The following CDK12 variants were observed in gnomAD, a reference collection of about 807,000 sequenced individuals.
CDK12 encodes cyclin-dependent kinase 12.
CDK12 carries 17 observed loss-of-function variants against 133.8 expected under a neutral mutation model. The observed-to-expected ratio is 0.13, with a 90% CI of 0.09 to 0.19. The LOEUF (loss-of-function observed/expected upper bound fraction) is 0.19. Among genes scored for constraint, CDK12 ranks in the 10% least tolerant of loss-of-function variants. The pLI is 1.00. For missense variants in CDK12, 1,508 were observed against 1,818.7 expected, an observed-to-expected ratio of 0.83 and a Z score of 3.11; for synonymous variants, 694 against 683.6, an observed-to-expected ratio of 1.02 and a Z score of -0.24.
rs751475844 is a variant in CDK12 at position 39,471,348 on chromosome 17, A to G, written c.1516A>G (p.Ile506Val). ...KAQGTRDSKP[I>V]ALKEEIVTPK... Reference sequence around the variant, plus strand: ...ACAGGGAACAAGAGACTCTAAACCCATAGCACTGAAAGAGGAGATTGTTAC... The same window carrying G: ...ACAGGGAACAAGAGACTCTAAACCCGTAGCACTGAAAGAGGAGATTGTTAC... The change falls in exon 2 of 14, where the codon ATA becomes GTA. Residue 506 changes from isoleucine to valine, a missense_variant. Around this residue, in one of 9 missense-constraint regions of CDK12, gnomAD observed 347 missense variants for 330.8 expected, o/e 1.05. Transcript: ENST00000447079. The G allele has an allele frequency of 3.7e-6, 6 of 1,614,006 alleles. No homozygotes were observed. In the African/African-American group the frequency reaches 4.0e-5, roughly 11 times the overall value.
intron 5 of CDK12, among the ~76,000 whole-genome samples, chr17:39,500,359 G>A (rs921604170): frequency 2.6e-5 from 4 of 151,956 alleles, no homozygotes; most frequent in East Asian, 3.9e-4. Context: ...AAGGCTGGGC[G>A]CGGTGGCTGA....
chr17:39,549,647 A>T (rs2144163102), upstream of CDK12: 1 of 152,296 alleles, frequency 6.6e-6, no homozygotes, highest in African/African-American at 2.4e-5. Flanking sequence ...CAGTTTGGGG[A>T]AGAGCAGTGA....
intron 10 of CDK12, among the ~76,000 whole-genome samples, chr17:39,519,624 C>G (rs1035697204): frequency 6.7e-6 from 1 of 148,366 alleles, no homozygotes; most frequent in East Asian, 2.0e-4. Context: ...GGCTCTTGCT[C>G]TGTTGCCCAG....
intron 1 of CDK12, among the ~76,000 whole-genome samples, chr17:39,464,580 A>G (rs1029217198): frequency 6.6e-6 from 1 of 151,906 alleles, no homozygotes; most frequent in South Asian, 2.1e-4. Flanking sequence ...TAAAGTTACA[A>G]TTCATAAATG....
intron 5 of CDK12, among the ~76,000 whole-genome samples, chr17:39,500,408 G>A (rs551374286): frequency 3.9e-5 from 6 of 152,156 alleles, no homozygotes; most frequent in African/African-American, 1.2e-4. Context: ...TAAGGCAGGC[G>A]GATCACCTGA....
chr17:39,489,275 G>A (rs2051386518), intron 2 of CDK12, among the ~76,000 whole-genome samples: 1 of 151,646 alleles, frequency 6.6e-6, no homozygotes, highest in Non-Finnish European at 1.5e-5. Flanking sequence ...TCACTGTATT[G>A]CCCAGGCTGG....
Position 39,525,949 on chromosome 17 carries a change from C to T in CDK12, c.3393C>T (p.Ile1131=). ...TGCAGAGCCAAACCGACCTGAGCAT[C>T]CCTCAAATGGCACAGCTGCTTAACA... ...NLLQSQTDLS[I]PQMAQLLNIH... is the part of the protein sequence containing the mutation. The change falls in exon 13 of 14, where the codon ATC becomes ATT. Residue 1131 remains isoleucine, a synonymous_variant. Transcript: ENST00000447079. 5 of 1,614,164 alleles carry T rather than the reference C, an allele frequency of 3.1e-6. No homozygotes were observed. Among genetic ancestry groups the T allele is most frequent in the Non-Finnish European group, 4.2e-6 (5 of 1,180,036 alleles).
rs547788263 is a variant in CDK12, at chr17:39,491,841, A to G, written c.2109-910A>G. 2.9e-3 allele frequency among the ~76,000 whole-genome samples: 443 copies of G among 150,906 alleles called. 4 individuals carry two copies. Among genetic ancestry groups the G allele is most frequent in the Non-Finnish European group, 4.6e-3 (310 of 67,780 alleles). On this transcript the variant is annotated intron_variant, in intron 3 of 13. Coordinates refer to ENST00000447079, the MANE Select transcript of CDK12 (RefSeq NM_016507.4). ...TTAGTAAAAAATGTATAAAAGATAC[A>G]GGAGTGGCTGGGCGCGGTGGCTCAC...
At position 39,532,102 on chromosome 17, in the gene CDK12, TTCTCTCTCTC is replaced by T. The variant is rs71843922; in HGVS notation, c.*818_*827del. 7,058 of 217,624 alleles carry T rather than the reference TTCTCTCTCTC, an allele frequency of 0.032. 97 individuals are homozygous for T. Among genetic ancestry groups the T allele is most frequent in the Middle Eastern group, 0.041 (31 of 756 alleles). 13.5% of individuals were successfully genotyped at this position (217,624 alleles called of 1,614,324 possible). On this transcript the variant is annotated 3_prime_UTR_variant, in exon 14 of 14. Transcript: ENST00000447079. Reference sequence around the variant, plus strand: ...GCTGATGTGTGCTCTCTCTCTCTCTTTCTCTCTCTCTCTCTCTCTCTCTCTCTCTCTCTCT... The same window carrying T: ...GCTGATGTGTGCTCTCTCTCTCTCTTTCTCTCTCTCTCTCTCTCTCTCTCT...
At chr17:39,554,402 C>T (rs575848272) in intron 2 of CDK12, among the ~76,000 whole-genome samples, 11 of 152,204 alleles carry the variant, frequency 7.2e-5, no homozygotes, top group Admixed American at 4.6e-4. Context: ...TCAGAAGTGT[C>T]GATTTCCTCC....
At position 39,481,686 on chromosome 17, in the gene CDK12, CTCTCTCTCTCTCTCTCTCTCTCTCTT is replaced by C. The variant is rs1567706571; in HGVS notation, c.1932-8865_1932-8840del. On this transcript the variant is annotated intron_variant, in intron 2 of 13. Coordinates refer to ENST00000447079, the MANE Select transcript of CDK12 (RefSeq NM_016507.4). ...TCTCTCTCTCTCTCTCTCTCTCTCT[CTCTCTCTCTCTCTCTCTCTCTCTCTT>C]TCTCTTTTCTTTTTTCTTTTTTTTT... 1.7e-3 allele frequency among the ~76,000 whole-genome samples: 38 copies of C among 21,836 alleles called. 9 individuals carry two copies. Among genetic ancestry groups the C allele is most frequent in the African/African-American group, 3.1e-3 (24 of 7,694 alleles). 14.3% of individuals were successfully genotyped at this position (21,836 alleles called of 152,430 possible). A position where few individuals can be genotyped will look rare whatever the true frequency, so the allele number is the denominator to read the frequency against.
chr17:39,502,269 C>T (rs1275934801), intron 6 of CDK12, among the ~76,000 whole-genome samples: 1 of 152,150 alleles, frequency 6.6e-6, no homozygotes, highest in Non-Finnish European at 1.5e-5. Flanking sequence ...TCTCCTGCCT[C>T]AGCTTCCCGA....
intron 2 of CDK12, among the ~76,000 whole-genome samples, chr17:39,555,245 T>A (rs754965361): frequency 1.4e-4 from 21 of 152,070 alleles, no homozygotes; most frequent in Non-Finnish European, 2.2e-4. Context: ...AGAGCGAGAC[T>A]CTGTCTCAAA....
In CDK12 at chr17:39,464,712, T is replaced by C. The variant is rs866157544; in HGVS notation, c.1046+1595T>C. Among the ~76,000 whole-genome samples the C allele has an allele frequency of 2.0e-5, 3 of 151,924 alleles. No individual in the cohort carries two copies. In the Middle Eastern group the frequency reaches 0.01, roughly 517 times the overall value. On this transcript the variant is annotated intron_variant, in intron 1 of 13. Coordinates refer to ENST00000447079, the MANE Select transcript of CDK12 (RefSeq NM_016507.4). ...AGAAAGGTTGTAGTGAACACCCATATATGTAACAGCAAGATTCTACAATAA... is the reference window on the plus strand; with the variant it reads ...AGAAAGGTTGTAGTGAACACCCATACATGTAACAGCAAGATTCTACAATAA...
At chr17:39,495,756 C>T (rs1476189407) in intron 5 of CDK12, among the ~76,000 whole-genome samples, 1 of 148,218 alleles carries the variant, frequency 6.7e-6, no homozygotes, top group African/African-American at 2.5e-5. Flanking sequence ...GATCGTGCCA[C>T]TGCACTCCAG....
upstream of CDK12, chr17:39,546,881 C>G (rs1328659620): frequency 6.6e-6 from 1 of 152,210 alleles, no homozygotes; most frequent in Non-Finnish European, 1.5e-5. Context: ...GCCTGTATGT[C>G]TTCGTAACTT....
Position 39,462,216 on chromosome 17 carries a change from C to A in CDK12, c.145C>A (p.His49Asn). 9 of 1,614,222 alleles carry A rather than the reference C, an allele frequency of 5.6e-6. No homozygotes were observed. Among genetic ancestry groups the A allele is most frequent in the Non-Finnish European group, 7.6e-6 (9 of 1,180,040 alleles). The change falls in exon 1 of 14, where the codon CAC (histidine) becomes AAC (asparagine). Residue 49 changes from histidine (H) to asparagine (N), a missense_variant. Transcript: ENST00000447079. ...VSKHKRHKSK[H>N]SKDMGLVTPE... ...GAAGCACAAGCGGCATAAGTCCAAACACTCCAAAGACATGGGGTTGGTGAC... is the reference window on the plus strand; with the variant it reads ...GAAGCACAAGCGGCATAAGTCCAAAAACTCCAAAGACATGGGGTTGGTGAC...
chr17:39,471,390 A>G lies in CDK12; in HGVS notation c.1558A>G (p.Thr520Ala). The change falls in exon 2 of 14, where the codon ACA becomes GCA. Residue 520 changes from threonine (T) to alanine (A), a missense_variant. Physicochemically the swap from Thr to Ala is moderately conservative, Grantham distance 58. This residue lies in a region of CDK12 where 347 missense variants were observed against 330.8 expected (regional missense o/e 1.05). Transcript: ENST00000447079. The part of the protein sequence containing the change: ...EEIVTPKETE[T>A]SEKETPPPLP... ...GATTGTTACTCCAAAGGAGACAGAA[A>G]CATCAGAAAAGGAGACCCCTCCACC... 6.2e-7 allele frequency: 1 copy of G among 1,614,094 alleles called. No homozygotes were observed.
chr17:39,487,096 T>G (rs1432980808), intron 2 of CDK12, among the ~76,000 whole-genome samples: 1 of 152,218 alleles, frequency 6.6e-6, no homozygotes, highest in Non-Finnish European at 1.5e-5. Flanking sequence ...GAGTGCAGAT[T>G]ATAATAATGT....
Sources: allele counts gnomAD v4.1 joint callset (sites outside exome capture counted in the v4.1 genomes callset), GRCh38; gene constraint gnomAD v4.1.1; regional missense constraint gnomAD v4.1.1; transcripts MANE v1.5; gene names NCBI Gene and HGNC (gene_info 2026-07-23, HGNC 2026-07-21).